The following KDM4C variants were observed in gnomAD, a reference collection of about 807,000 sequenced individuals.
The protein encoded by KDM4C is lysine-specific demethylase 4C.
A neutral mutation model predicts 129.3 loss-of-function variants in KDM4C; 81 were observed. The ratio of observed to expected loss-of-function variants is 0.63; its 90% confidence interval spans 0.52 to 0.75. KDM4C has a LOEUF of 0.75. KDM4C is among the 30% of genes least tolerant of loss of function. The pLI, the probability that KDM4C is intolerant of heterozygous loss-of-function variation, is 0.00. For synonymous variants in KDM4C, 573 were observed against 456.1 expected (o/e 1.26, Z -3.26); for missense variants, 1,457 against 1,304.0 (o/e 1.12, Z -1.81).
At chr9:6,924,156 T>G (rs1822050119) in intron 8 of KDM4C, among the ~76,000 whole-genome samples, 1 of 152,222 alleles carries the variant, frequency 6.6e-6, no homozygotes, top group African/African-American at 2.4e-5. Context: ...TTTTATATTT[T>G]AATACAGAAT....
chr9:7,104,862 C>T lies in KDM4C; in HGVS notation c.2610+992C>T, dbSNP rs573991480. On this transcript the variant is annotated intron_variant, in intron 18 of 21. Coordinates refer to ENST00000381309, the MANE Select transcript of KDM4C (RefSeq NM_015061.6). ...GCTTGTGGAGTCACACACAGCAAAT[C>T]TCCCAGCTCTTTGTAATGCTTTCAG... Among the ~76,000 whole-genome samples, 17 of 152,372 alleles carry T rather than the reference C, an allele frequency of 1.1e-4. No individual in the cohort carries two copies. The East Asian group carries it at 1.9e-3, about 17-fold the overall frequency.
At chr9:6,834,549 C>T (rs1835509692) in intron 4 of KDM4C, 1 of 696,780 alleles carries the variant, frequency 1.4e-6, no homozygotes, top group South Asian at 1.5e-5. Context: ...GCCGTCTTCC[C>T]CTTCATCGTG....
At position 6,845,016 on chromosome 9, in the gene KDM4C, G is replaced by A. The variant is rs1381462449; in HGVS notation, c.436-4491G>A. The stretch of plus-strand genomic sequence containing the variant: ...GACCCATATTTCTAATGTTGCATTG[G>A]AAATATTTTGGGAAAAATTGAGCTA... On this transcript the variant is annotated intron_variant, in intron 4 of 21. Coordinates refer to ENST00000381309, the MANE Select transcript of KDM4C (RefSeq NM_015061.6). Among the ~76,000 whole-genome samples the A allele has an allele frequency of 3.3e-5, 5 of 152,136 alleles. 1 individual carries two copies. Among genetic ancestry groups the A allele is most frequent in the African/African-American group, 1.2e-4 (5 of 41,426 alleles).
intron 21 of KDM4C, among the ~76,000 whole-genome samples, chr9:7,174,191 G>A (rs879334813): frequency 6.6e-6 from 1 of 152,336 alleles, no homozygotes; most frequent in Middle Eastern, 3.4e-3. Context: ...GTGGGGCAGA[G>A]GCCCAAAGCT....
At chr9:6,837,706 C>T (rs1836147677) in intron 4 of KDM4C, among the ~76,000 whole-genome samples, 2 of 151,912 alleles carry the variant, frequency 1.3e-5, no homozygotes, top group African/African-American at 2.4e-5. Flanking sequence ...ATTTGGAATT[C>T]TTTATTCTGG....
rs777377466 is a variant in KDM4C at position 7,175,047 on chromosome 9, G to A, written c.*318G>A. On this transcript the variant is annotated 3_prime_UTR_variant, in exon 22 of 22. Coordinates refer to ENST00000381309, the MANE Select transcript of KDM4C (RefSeq NM_015061.6). Reference sequence around the variant, plus strand: ...GAAAAGCCACTGCCACAGAGGAGGCGGGTCCCCTTGTGCGGCTTAGGGCCC... The same window carrying A: ...GAAAAGCCACTGCCACAGAGGAGGCAGGTCCCCTTGTGCGGCTTAGGGCCC... The A allele has an allele frequency of 9.2e-6, 2 of 217,610 alleles. No individual in the cohort carries two copies. Among genetic ancestry groups the A allele is most frequent in the Non-Finnish European group, 1.9e-5 (2 of 107,026 alleles). The allele number at this position is 217,610 out of a possible 1,614,324, so 13.5% of individuals were successfully genotyped here.
At chr9:6,925,568 C>G in intron 8 of KDM4C, 2 of 983,968 alleles carry the variant, frequency 2.0e-6, no homozygotes, top group Non-Finnish European at 2.4e-6. Context: ...AGTTCTGGTA[C>G]AAGTGGGAGC....
At chr9:6,988,479 C>T (rs1818136144) in intron 11 of KDM4C, among the ~76,000 whole-genome samples, 1 of 149,360 alleles carries the variant, frequency 6.7e-6, no homozygotes, top group Admixed American at 6.8e-5. Context: ...AGAACAACTG[C>T]ATGACATCCT....
At chr9:6,946,447 T>C (rs1826983942) in intron 8 of KDM4C, among the ~76,000 whole-genome samples, 1 of 152,186 alleles carries the variant, frequency 6.6e-6, no homozygotes, top group Admixed American at 6.5e-5. Context: ...TTTTGATTTA[T>C]TTAACATATT....
At chr9:6,885,454 G>C (rs532975303) in intron 6 of KDM4C, among the ~76,000 whole-genome samples, 20 of 152,288 alleles carry the variant, frequency 1.3e-4, no homozygotes, top group African/African-American at 4.6e-4. Flanking sequence ...TCTTAGGAAA[G>C]GTTATTGTGG....
intron 18 of KDM4C, among the ~76,000 whole-genome samples, chr9:7,116,951 ATAATAATAAC>A (rs1231544048): frequency 1.3e-5 from 2 of 152,230 alleles, no homozygotes; most frequent in Non-Finnish European, 2.9e-5. Context: ...TTACAAAAGT[ATAATAATAAC>A]TAACATTTGT....
chr9:7,064,881 G>A (rs1420547567), intron 17 of KDM4C, among the ~76,000 whole-genome samples: 1 of 152,180 alleles, frequency 6.6e-6, no homozygotes, highest in Admixed American at 6.5e-5. Context: ...TGATGATAAT[G>A]TATCTATCAC....
chr9:6,886,654 G>T (rs112890296), intron 6 of KDM4C, among the ~76,000 whole-genome samples: 2,345 of 151,916 alleles, frequency 0.015, 62 homozygotes, highest in African/African-American at 0.053. Context: ...ACCATGCCTC[G>T]CTAATTTTTT....
Position 7,122,239 on chromosome 9 carries a change from CCACA to C in KDM4C, c.2611-5803_2611-5800del, listed in dbSNP as rs147638679. Among the ~76,000 whole-genome samples the C allele has an allele frequency of 3.0e-4, 44 of 144,330 alleles. No individual in the cohort carries two copies. The South Asian group carries it at 3.7e-3, about 12-fold the overall frequency. The allele number at this position is 144,330 out of a possible 152,430, so 94.7% of individuals were successfully genotyped here. On this transcript the variant is annotated intron_variant, in intron 18 of 21. Coordinates refer to ENST00000381309, the MANE Select transcript of KDM4C (RefSeq NM_015061.6). ...GAGGAAGAGATAGCAGTGGGAGATGCCACACACACACACACACACACACACACTC... is the reference window on the plus strand; with the variant it reads ...GAGGAAGAGATAGCAGTGGGAGATGCCACACACACACACACACACACACTC...
At chr9:6,925,449 C>T in intron 8 of KDM4C, 1 of 823,214 alleles carries the variant, frequency 1.2e-6, no homozygotes, top group Non-Finnish European at 1.5e-6. Flanking sequence ...TCCTCTTCCC[C>T]CTTCCCCCTC....
chr9:7,039,021 A>G (rs1828117009), intron 15 of KDM4C, among the ~76,000 whole-genome samples: 1 of 151,818 alleles, frequency 6.6e-6, no homozygotes, highest in African/African-American at 2.4e-5. Context: ...GTTGTATTTT[A>G]TTCTTTATGA....
chr9:7,086,838 G>A (rs537966780), intron 17 of KDM4C, among the ~76,000 whole-genome samples: 18 of 152,108 alleles, frequency 1.2e-4, no homozygotes, highest in Non-Finnish European at 2.2e-4. Context: ...TTCTAAAGTT[G>A]ATCTGCCTGA....
At chr9:6,863,813 G>A (rs150663526) in intron 5 of KDM4C, among the ~76,000 whole-genome samples, 2 of 133,216 alleles carry the variant, frequency 1.5e-5, no homozygotes, top group African/African-American at 6.1e-5. Flanking sequence ...AAAAAAAAAA[G>A]AGAGAGAGAA....
At chr9:6,880,392 A>AT (rs981429256) in intron 6 of KDM4C, among the ~76,000 whole-genome samples, 6 of 151,600 alleles carry the variant, frequency 4.0e-5, no homozygotes, top group Non-Finnish European at 7.4e-5. Context: ...TGTGCCAATA[A>AT]TTTTTTTTTA....
Sources: allele counts gnomAD v4.1 joint callset (sites outside exome capture counted in the v4.1 genomes callset), GRCh38; gene constraint gnomAD v4.1.1; transcripts MANE v1.5; gene names NCBI Gene and HGNC (gene_info 2026-07-23, HGNC 2026-07-21).